The following PPFIBP2 variants were observed in gnomAD, a reference collection of about 807,000 sequenced individuals.
PPFIBP2 encodes the protein liprin-beta-2.
PPFIBP2 carries 118 observed loss-of-function variants against 118.3 expected under a neutral mutation model. The ratio of observed to expected loss-of-function variants is 1.00; its 90% CI spans 0.86 to 1.16. The LOEUF is 1.16. Ranked by LOEUF, PPFIBP2 falls within the 50% of genes most tolerant of loss-of-function variation. The pLI, the probability that PPFIBP2 is intolerant of heterozygous loss-of-function variation, is 0.00. For synonymous variants in PPFIBP2, 414 were observed against 397.4 expected, an observed-to-expected ratio of 1.04 and a Z score of -0.50; for missense variants, 1,195 against 1,073.1, an observed-to-expected ratio of 1.11 and a Z score of -1.59.
chr11:7,528,844 T>C (rs914607215), intron 1 of PPFIBP2, among the ~76,000 whole-genome samples: 2 of 152,138 alleles, frequency 1.3e-5, no homozygotes, highest in Non-Finnish European at 2.9e-5. Context: ...TATGCGTATA[T>C]CTAGTACAGT....
chr11:7,666,028 G>GGCT, the PPFIBP2 span: 2 of 925,746 alleles, frequency 2.2e-6, no homozygotes, highest in East Asian at 5.3e-5. Context: ...ATGCTGTCTG[G>GGCT]GCTGCAGCAG....
Position 7,628,296 on chromosome 11 carries a change from C to A in PPFIBP2, c.838C>A (p.Gln280Lys). 6.2e-7 allele frequency: 1 copy of A among 1,613,652 alleles called. No individual in the cohort carries two copies. The highest frequency in any genetic ancestry group is 8.5e-7 in the Non-Finnish European group (1 of 1,179,724). ...ESHTERDQEI[Q>K]RLKMGMETLL... The stretch of plus-strand genomic sequence containing the variant: ...CTGAATTCTTTTAGACCAAGAAATT[C>A]AACGTCTGAAAATGGGGATGGAAAC... The change falls in exon 9 of 24, where the codon CAA becomes AAA. Residue 280 changes from glutamine to lysine, a missense_variant. By Grantham distance (53) the Gln-to-Lys change is moderately conservative. Transcript: ENST00000299492.
At chr11:7,514,452 C>G (rs1447987183) in intron 1 of PPFIBP2, among the ~76,000 whole-genome samples, 5 of 152,180 alleles carry the variant, frequency 3.3e-5, no homozygotes, top group Non-Finnish European at 7.3e-5. Context: ...TCCCTGAGTT[C>G]TGTGCGGCGC....
At chr11:7,573,734 A>G (rs1296075596) in intron 3 of PPFIBP2, among the ~76,000 whole-genome samples, 1 of 152,142 alleles carries the variant, frequency 6.6e-6, no homozygotes, top group African/African-American at 2.4e-5. Context: ...CCCACTGTGC[A>G]CCATGTCTGT....
chr11:7,637,530 C>A (rs768806597), intron 14 of PPFIBP2, among the ~76,000 whole-genome samples: 4 of 152,190 alleles, frequency 2.6e-5, no homozygotes, highest in South Asian at 2.1e-4. Flanking sequence ...TGACTCAAAG[C>A]CTAGGCCCTT....
intron 14 of PPFIBP2, 32 bp from the exon 15 acceptor site, chr11:7,639,699 CG>C: frequency 6.2e-7 from 1 of 1,613,252 alleles, no homozygotes; most frequent in Non-Finnish European, 8.5e-7. Context: ...ACAGTTAAGT[CG>C]GTATCTCTCT....
chr11:7,662,997 A>G, the PPFIBP2 span, among the ~76,000 whole-genome samples: 12 of 137,708 alleles, frequency 8.7e-5, no homozygotes, highest in South Asian at 2.8e-3. Context: ...TTTCAGCTCC[A>G]TCAGCTCCTT....
chr11:7,562,906 T>G (rs1395657489), intron 2 of PPFIBP2, among the ~76,000 whole-genome samples: 2 of 143,372 alleles, frequency 1.4e-5, no homozygotes, highest in African/African-American at 2.5e-5. Context: ...AATATAAGTT[T>G]CAAAGAAATA....
chr11:7,563,661 T>G (rs1236810511), intron 2 of PPFIBP2, among the ~76,000 whole-genome samples: 1 of 152,208 alleles, frequency 6.6e-6, no homozygotes, highest in African/African-American at 2.4e-5. Context: ...AGTCCTAATT[T>G]CAAATCTTTC....
rs1357598248 is a variant in PPFIBP2, at chr11:7,640,328, A to G, written c.1375+458A>G. Among the ~76,000 whole-genome samples, 3 of 152,022 alleles carry G rather than the reference A, an allele frequency of 2.0e-5. No homozygotes were observed. In the East Asian group the frequency reaches 5.8e-4, roughly 29 times the overall value. On this transcript the variant is annotated intron_variant, in intron 15 of 23. Coordinates refer to ENST00000299492, the MANE Select transcript of PPFIBP2 (RefSeq NM_003621.5). ...TATTCCCCGTAGGAGGGTATCATGC[A>G]CTCCAAGTGGGAGCATTTCCTTAGG...
downstream of PPFIBP2, among the ~76,000 whole-genome samples, chr11:7,657,442 T>C (rs148894967): frequency 2.7e-3 from 411 of 152,234 alleles, 2 homozygotes; most frequent in Non-Finnish European, 4.5e-3. Flanking sequence ...CCCCAACACG[T>C]GCACACCCTG....
chr11:7,600,252 C>G (rs995247590), intron 5 of PPFIBP2, among the ~76,000 whole-genome samples: 1 of 152,202 alleles, frequency 6.6e-6, no homozygotes, highest in African/African-American at 2.4e-5. Context: ...CTCATGTGTT[C>G]GCTGGGCTGG....
chr11:7,623,128 C>G (rs1205572570), intron 7 of PPFIBP2, among the ~76,000 whole-genome samples: 1 of 152,168 alleles, frequency 6.6e-6, no homozygotes, highest in Non-Finnish European at 1.5e-5. Context: ...ATTCCCGTGC[C>G]TTCATGCTGT....
chr11:7,547,258 A>C (rs953775796), intron 1 of PPFIBP2, among the ~76,000 whole-genome samples: 1 of 152,082 alleles, frequency 6.6e-6, no homozygotes, highest in African/African-American at 2.4e-5. Context: ...CTAGGAAGTG[A>C]GCTCAGGGTA....
chr11:7,626,575 T>C (rs1850041557), intron 8 of PPFIBP2, among the ~76,000 whole-genome samples: 1 of 152,220 alleles, frequency 6.6e-6, no homozygotes, highest in East Asian at 1.9e-4. Context: ...ATTTGGCCCA[T>C]TGTAGGATCC....
chr11:7,602,393 G>T (rs1043182518), intron 5 of PPFIBP2, among the ~76,000 whole-genome samples: 1 of 152,198 alleles, frequency 6.6e-6, no homozygotes, highest in Non-Finnish European at 1.5e-5. Flanking sequence ...GGTTTCCCTG[G>T]TCTGTGATAT....
In PPFIBP2 at chr11:7,565,562, C is replaced by G. The variant is rs757843520; in HGVS notation, c.74C>G (p.Thr25Arg). Reference protein sequence around the residue: ...QMDGIIAGTKTGADLSDGTCE... With the variant: ...QMDGIIAGTKRGADLSDGTCE... ...CTCTCTCTCATTGCAGGCACTAAAA[C>G]AGGTGCAGATCTTAGTGATGGTACT... Residue 25 changes from threonine to arginine, a missense_variant, in exon 3 of 24, where the codon ACA becomes AGA. Physicochemically the swap from Thr to Arg is moderately conservative, Grantham distance 71. Transcript: ENST00000299492. 3.1e-6 allele frequency: 5 copies of G among 1,614,192 alleles called. No homozygotes were observed. The highest frequency in any genetic ancestry group is 4.2e-6 in the Non-Finnish European group (5 of 1,180,014).
chr11:7,637,149 G>A (rs1450567857), intron 14 of PPFIBP2, among the ~76,000 whole-genome samples: 1 of 152,122 alleles, frequency 6.6e-6, no homozygotes, highest in Non-Finnish European at 1.5e-5. Flanking sequence ...CTGTTCTCTG[G>A]GCTGAACATC....
At chr11:7,662,906 C>T in the PPFIBP2 span, among the ~76,000 whole-genome samples, 1 of 138,578 alleles carries the variant, frequency 7.2e-6, no homozygotes, top group African/African-American at 2.5e-5. Context: ...TTTCATCTTC[C>T]ATCACTGATA....
Sources: allele counts gnomAD v4.1 joint callset (sites outside exome capture counted in the v4.1 genomes callset), GRCh38; gene constraint gnomAD v4.1.1; transcripts MANE v1.5; gene names NCBI Gene and HGNC (gene_info 2026-07-23, HGNC 2026-07-21).